The following MOB2 variants were observed in gnomAD, a reference collection of about 807,000 sequenced individuals.
MOB2 encodes MOB2 Mps One Binder homolog.
MOB2 carries 14 observed loss-of-function variants against 27.4 expected under a neutral mutation model. The observed-to-expected ratio is 0.51, with a 90% CI of 0.34 to 0.80. The LOEUF (loss-of-function observed/expected upper bound fraction) is 0.80. Ranked by LOEUF, MOB2 falls within the 30% of genes least tolerant of loss-of-function variation. The probability of loss-of-function intolerance (pLI) is 0.01; values close to 1 mark genes in which losing one functional copy is unlikely to be tolerated. For missense variants in MOB2, 304 were observed against 354.6 expected, an observed-to-expected ratio of 0.86 and a Z score of 1.15; for synonymous variants, 167 against 151.8, an observed-to-expected ratio of 1.10 and a Z score of -0.74.
In MOB2 at chr11:1,470,078, C is replaced by G. The variant is rs763398702; in HGVS notation, c.*94G>C. On this transcript the variant is annotated 3_prime_UTR_variant, in exon 5 of 5. Coordinates refer to ENST00000329957, the MANE Select transcript of MOB2 (RefSeq NM_001172223.3). Reference sequence around the variant, plus strand: ...CGGGGCCCTCTCAGACCTCACCACACGCGTGCCCAGCACATGTGTGCACAC... The same window carrying G: ...CGGGGCCCTCTCAGACCTCACCACAGGCGTGCCCAGCACATGTGTGCACAC... 3.2e-6 allele frequency: 5 copies of G among 1,542,256 alleles called. No homozygotes were observed. In the South Asian group the frequency reaches 4.8e-5, roughly 15 times the overall value.
At position 1,486,507 on chromosome 11, in the gene MOB2, T is replaced by G. The variant is rs1466144935; in HGVS notation, c.50A>C (p.Gln17Pro). ...GCAGCAGAGTCCACTTTGCAGGGAC[T>G]GGCCGGGCCGGGCTTGGTCTTCAGG... ...SLPEDQARPG[Q>P]SLQSGLCCKM... is the part of the protein sequence containing the mutation. Residue 17 changes from glutamine to proline, a missense_variant, in exon 1 of 5, where the codon CAG (glutamine) becomes CCG (proline). Transcript: ENST00000329957. 6.5e-7 allele frequency: 1 copy of G among 1,535,698 alleles called. No homozygotes were observed.
At position 1,480,673 on chromosome 11, in the gene MOB2, T is replaced by C. The variant is rs1281769553; in HGVS notation, c.271+52A>G. 15 of 1,582,062 alleles carry C rather than the reference T, an allele frequency of 9.5e-6. No individual in the cohort carries two copies. In the South Asian group the frequency reaches 1.6e-4, roughly 17 times the overall value. On this transcript the variant is annotated intron_variant, in intron 2 of 4. Coordinates refer to ENST00000329957, the MANE Select transcript of MOB2 (RefSeq NM_001172223.3). ...TGGGGGTCCCCCTTGAGGAGGGGCT[T>C]CGAGGAGGAGCAGGGAGGAGGGAGG...
At chr11:1,485,833 C>A (rs566505916) in intron 1 of MOB2, among the ~76,000 whole-genome samples, 1 of 152,320 alleles carries the variant, frequency 6.6e-6, no homozygotes, top group South Asian at 2.1e-4. Context: ...CAGGGAGGCA[C>A]CCCCGCAGCA....
intron 1 of MOB2, 117 bp from the exon 2 acceptor site, chr11:1,481,002 G>T: frequency 7.9e-7 from 1 of 1,264,908 alleles, no homozygotes; most frequent in Non-Finnish European, 1.1e-6. Flanking sequence ...CCATCGGGGC[G>T]ACACTGCCTC....
chr11:1,471,184 C>G, intron 4 of MOB2, 111 bp downstream of exon 4: 1 of 1,406,624 alleles, frequency 7.1e-7, no homozygotes, highest in Non-Finnish European at 9.5e-7. Flanking sequence ...GCAGCTGCCG[C>G]CCTCCGTGCC....
At position 1,471,356 on chromosome 11, in the gene MOB2, G is replaced by C; in HGVS notation, c.429C>G (p.Asp143Glu). 1 of 1,613,586 alleles carries C rather than the reference G, an allele frequency of 6.2e-7. No individual in the cohort carries two copies. The highest frequency in any genetic ancestry group is 1.3e-5 in the African/African-American group (1 of 75,062). The change falls in exon 4 of 5, where the codon GAC (aspartate) becomes GAG (glutamate). Residue 143 changes from aspartate to glutamate, a missense_variant. Asp to Glu is a conservative substitution (Grantham distance 45). Coordinates refer to ENST00000329957, the MANE Select transcript of MOB2 (RefSeq NM_001172223.3). ...KVKCTAPQYV[D>E]FVMSSVQKLV... is the part of the protein sequence containing the mutation. ...GCTTCTGCACGGAGCTCATGACGAAGTCAACGTACTGTGGGGCCGTGCACT... is the reference window on the plus strand; with the variant it reads ...GCTTCTGCACGGAGCTCATGACGAACTCAACGTACTGTGGGGCCGTGCACT...
chr11:1,486,190 C>T (rs759603467), intron 1 of MOB2, among the ~76,000 whole-genome samples: 12 of 152,274 alleles, frequency 7.9e-5, no homozygotes, highest in Admixed American at 2.0e-4. Context: ...ACAGGAAGTG[C>T]AGGCGGCTAA....
chr11:1,480,293 T>G, intron 3 of MOB2, 100 bp downstream of exon 3: 3 of 1,104,582 alleles, frequency 2.7e-6, no homozygotes, highest in Non-Finnish European at 2.7e-6. Flanking sequence ...GGTCTCCAGG[T>G]GAGAACGGAA....
rs755288517 is a variant in MOB2 at position 1,480,783 on chromosome 11, G to A, written c.213C>T (p.Phe71=). Reference sequence around the variant, plus strand: ...CGCGGGGCAGCACCACCAGCTCCTTGAACTGGAAGTCGGTGATCCTGGCCT... The same window carrying A: ...CGCGGGGCAGCACCACCAGCTCCTTAAACTGGAAGTCGGTGATCCTGGCCT... ...HTKARITDFQ[F]KELVVLPREI... is the part of the protein sequence containing the mutation. The change falls in exon 2 of 5, where the codon TTC becomes TTT. Residue 71 remains phenylalanine (F), a synonymous_variant. Coordinates refer to ENST00000329957, the MANE Select transcript of MOB2 (RefSeq NM_001172223.3). The A allele has an allele frequency of 3.1e-6, 5 of 1,603,674 alleles. No homozygotes were observed. The highest frequency in any genetic ancestry group is 4.3e-6 in the Non-Finnish European group (5 of 1,175,650).
chr11:1,480,712 G>T lies in MOB2; in HGVS notation c.271+13C>A. ...GGAGGAGGGAGGGGGCCCGCCCCCA[G>T]GCCCCCGCGCACTGTTGCTGGCCAG... On this transcript the variant is annotated intron_variant, in intron 2 of 4. Coordinates refer to ENST00000329957, the MANE Select transcript of MOB2 (RefSeq NM_001172223.3). The T allele has an allele frequency of 6.3e-7, 1 of 1,599,308 alleles. No homozygotes were observed. The highest frequency in any genetic ancestry group is 1.1e-5 in the South Asian group (1 of 88,954).
At position 1,470,384 on chromosome 11, in the gene MOB2, C is replaced by T. The variant is rs768509753; in HGVS notation, c.595G>A (p.Ala199Thr). 9.3e-6 allele frequency: 15 copies of T among 1,613,690 alleles called. No individual in the cohort carries two copies. The East Asian group carries it at 3.1e-4, about 34-fold the overall frequency. Residue 199 changes from alanine (A) to threonine (T), a missense_variant, in exon 5 of 5, where the codon GCC becomes ACC. Physicochemically the swap from Ala to Thr is moderately conservative, Grantham distance 58 (BLOSUM62 0). Transcript: ENST00000329957. ...IYWAHFKETL[A>T]LELHGHLNTL... ...TTCAAGTGTCCGTGCAGCTCCAGGG[C>T]CAGCGTCTCCTTGAAGTGGGCCCAG... is the stretch of plus-strand genomic sequence containing the variant.
intron 1 of MOB2, among the ~76,000 whole-genome samples, 165 bp downstream of exon 1, chr11:1,486,282 T>TCAGCC (rs1847968903): frequency 6.6e-6 from 1 of 152,210 alleles, no homozygotes. Flanking sequence ...CCTGGACAGC[T>TCAGCC]TGCGTGTGGC....
Position 1,470,263 on chromosome 11 carries a change from C to A in MOB2, c.716G>T (p.Cys239Phe). 6.2e-7 allele frequency: 1 copy of A among 1,612,954 alleles called. No homozygotes were observed. Among genetic ancestry groups the A allele is most frequent in the Non-Finnish European group, 8.5e-7 (1 of 1,179,880 alleles). Reference protein sequence around the residue: ...AIMDDLTEVLCSGAGGVHSGG... With the variant: ...AIMDDLTEVLFSGAGGVHSGG... The stretch of plus-strand genomic sequence containing the variant: ...ACTGTGGACCCCGCCGGCCCCGCTG[C>A]ATAGCACCTCGGTGAGGTCGTCCAT... Residue 239 changes from cysteine to phenylalanine, a missense_variant, in exon 5 of 5, where the codon TGC becomes TTC. Cys to Phe is a radical substitution (Grantham distance 205). Transcript: ENST00000329957.
chr11:1,484,236 C>A (rs1056401830), intron 1 of MOB2, among the ~76,000 whole-genome samples: 20 of 152,194 alleles, frequency 1.3e-4, no homozygotes, highest in Non-Finnish European at 1.5e-4. Context: ...CTGGCACTTC[C>A]CACCACAGGT....
chr11:1,475,999 A>G (rs547255569), intron 3 of MOB2, among the ~76,000 whole-genome samples: 3 of 152,346 alleles, frequency 2.0e-5, no homozygotes, highest in South Asian at 2.1e-4. Context: ...CTCATGTCAC[A>G]TAAGAGCAAC....
intron 3 of MOB2, among the ~76,000 whole-genome samples, chr11:1,480,187 C>G (rs1215898327): frequency 1.3e-5 from 2 of 152,212 alleles, no homozygotes; most frequent in African/African-American, 4.8e-5. Flanking sequence ...CCTTCTGGGC[C>G]CCACTGGGGA....
rs1485509974 is a variant in MOB2 at position 1,469,924 on chromosome 11, G to A, written c.*248C>T. ...AACTCAAAGCATCAGTCCCATGCGT[G>A]TCTGCTGAACGAGTGAATGGGCCCA... On this transcript the variant is annotated 3_prime_UTR_variant, in exon 5 of 5. Transcript: ENST00000329957. 3.4e-6 allele frequency: 3 copies of A among 872,416 alleles called. No individual in the cohort carries two copies. Among genetic ancestry groups the A allele is most frequent in the Non-Finnish European group, 5.5e-6 (3 of 542,854 alleles). The allele number at this position is 872,416 out of a possible 1,614,324, so 54.0% of individuals were successfully genotyped here.
chr11:1,469,542 C>T lies in MOB2; in HGVS notation c.*630G>A, dbSNP rs372051697. On this transcript the variant is annotated 3_prime_UTR_variant, in exon 5 of 5. Transcript: ENST00000329957. ...GCCTTCCGCTGGTGCAGCATCTCCA[C>T]GCAGGGCCTCAGCCCCGTCCTGGCC... is the stretch of plus-strand genomic sequence containing the variant. 2.8e-5 allele frequency: 13 copies of T among 456,412 alleles called. 1 individual carries two copies. Among genetic ancestry groups the T allele is most frequent in the East Asian group, 2.1e-4 (3 of 14,384 alleles). 28.3% of individuals were successfully genotyped at this position (456,412 alleles called of 1,614,324 possible).
chr11:1,474,627 A>G (rs912362668), intron 3 of MOB2, among the ~76,000 whole-genome samples: 1 of 152,100 alleles, frequency 6.6e-6, no homozygotes, highest in Non-Finnish European at 1.5e-5. Flanking sequence ...GTGTGGGTCT[A>G]TCTCCGGACT....
Sources: allele counts gnomAD v4.1 joint callset (sites outside exome capture counted in the v4.1 genomes callset), GRCh38; gene constraint gnomAD v4.1.1; transcripts MANE v1.5; gene names NCBI Gene and HGNC (gene_info 2026-07-23, HGNC 2026-07-21).